MITF: variants seen among roughly 807,000 people sequenced by gnomAD.
The protein encoded by MITF is melanocyte inducing transcription factor, also known as microphthalmia-associated transcription factor.
A neutral mutation model predicts 60.5 loss-of-function variants in MITF; 17 were observed. The ratio of observed to expected loss-of-function variants is 0.28; its 90% CI spans 0.19 to 0.42. The LOEUF is 0.42. Among genes scored for constraint, MITF ranks in the 10% least tolerant of loss-of-function variants. The pLI is 1.00. For synonymous variants in MITF, 260 were observed against 248.5 expected (o/e 1.05, Z -0.43); for missense variants, 622 against 683.5 (o/e 0.91, Z 1.00).
At position 69,805,934 on chromosome 3, in the gene MITF, T is replaced by G. The variant is rs116181078; in HGVS notation, c.104+66233T>G. Among the ~76,000 whole-genome samples the G allele has an allele frequency of 6.6e-3, 1,005 of 152,254 alleles. 9 individuals carry two copies. Among genetic ancestry groups the G allele is most frequent in the African/African-American group, 0.023 (946 of 41,552 alleles). On this transcript the variant is annotated intron_variant, in intron 1 of 9. Transcript: ENST00000352241. The stretch of plus-strand genomic sequence containing the variant: ...CCTTGTTCTTCCAAAGTACTGGGAT[T>G]ATAGGTATGAGCCACCATGCATGGC...
chr3:69,751,333 G>C (rs1221173405), intron 1 of MITF, among the ~76,000 whole-genome samples: 2 of 152,190 alleles, frequency 1.3e-5, no homozygotes, highest in Non-Finnish European at 2.9e-5. Flanking sequence ...GCCAGCATCT[G>C]TTTTGTCACA....
chr3:69,871,537 T>TAAGGTTGCCTGTTAAACCATG (rs1356349956), intron 1 of MITF, among the ~76,000 whole-genome samples: 4 of 152,238 alleles, frequency 2.6e-5, no homozygotes, highest in African/African-American at 9.6e-5. Flanking sequence ...CTGCTATGTG[T>TAAGGTTGCCTGTTAAACCATG]AAGGTTGCCT....
chr3:69,894,189 A>T (rs78118441), intron 2 of MITF, among the ~76,000 whole-genome samples: 2,632 of 152,342 alleles, frequency 0.017, 37 homozygotes, highest in Middle Eastern at 0.051. Context: ...AATACATTTA[A>T]TCACAGCCTT....
chr3:69,930,452 C>G (rs1339024803), intron 2 of MITF, among the ~76,000 whole-genome samples: 1 of 152,144 alleles, frequency 6.6e-6, no homozygotes, highest in Non-Finnish European at 1.5e-5. Context: ...TTGTTCACAC[C>G]TGAGGGCTGT....
intron 1 of MITF, among the ~76,000 whole-genome samples, chr3:69,853,119 T>C (rs1002508756): frequency 3.3e-5 from 5 of 152,158 alleles, no homozygotes; most frequent in Middle Eastern, 3.2e-3. Flanking sequence ...AATCGTGCTT[T>C]AGGAAGTGTT....
chr3:69,851,474 C>G (rs566554243), intron 1 of MITF, among the ~76,000 whole-genome samples: 2 of 151,964 alleles, frequency 1.3e-5, no homozygotes, highest in African/African-American at 4.8e-5. Context: ...TACTAATTAG[C>G]GATAGAAAGG....
chr3:69,906,993 G>T (rs1335257284), intron 2 of MITF, among the ~76,000 whole-genome samples: 1 of 151,994 alleles, frequency 6.6e-6, no homozygotes, highest in African/African-American at 2.4e-5. Flanking sequence ...TGCCCTATGT[G>T]GTACTTACAT....
rs2107552022 is a variant in MITF, at chr3:69,964,927, G to A, written c.1260G>A (p.Arg420=). 1 of 1,614,040 alleles carries A rather than the reference G, an allele frequency of 6.2e-7. No individual in the cohort carries two copies. The highest frequency in any genetic ancestry group is 8.5e-7 in the Non-Finnish European group (1 of 1,179,992). ...TCTGCTCTCCAGATTTGGTGAATCG[G>A]ATCATCAAGCAAGAACCCGTTCTTG... ...TGLCSPDLVN[R]IIKQEPVLEN... Residue 420 remains arginine, a synonymous_variant, in exon 10 of 10, where the codon CGG becomes CGA. Coordinates refer to ENST00000352241, the MANE Select transcript of MITF (RefSeq NM_001354604.2).
intron 1 of MITF, among the ~76,000 whole-genome samples, chr3:69,748,916 T>C (rs1703827635): frequency 6.6e-6 from 1 of 152,236 alleles, no homozygotes; most frequent in Non-Finnish European, 1.5e-5. Context: ...CTTAGCCTGG[T>C]GGCTGTGGTT....
intron 2 of MITF, among the ~76,000 whole-genome samples, chr3:69,908,116 G>A (rs1036772174): frequency 1.3e-5 from 2 of 152,042 alleles, no homozygotes; most frequent in Non-Finnish European, 2.9e-5. Flanking sequence ...ATAGAATCTA[G>A]ATGGATACAT....
At chr3:69,943,906 C>G (rs1466721155) in intron 5 of MITF, among the ~76,000 whole-genome samples, 1 of 152,086 alleles carries the variant, frequency 6.6e-6, no homozygotes, top group Admixed American at 6.6e-5. Flanking sequence ...GCCTAGGCAA[C>G]TTAGAGAGAA....
At chr3:69,788,575 T>C (rs1269118117) in intron 1 of MITF, among the ~76,000 whole-genome samples, 3 of 152,200 alleles carry the variant, frequency 2.0e-5, no homozygotes, top group Non-Finnish European at 4.4e-5. Flanking sequence ...CTTAACATCT[T>C]GGACCTTGGA....
At chr3:69,914,181 G>T (rs2065283385) in intron 2 of MITF, among the ~76,000 whole-genome samples, 1 of 152,100 alleles carries the variant, frequency 6.6e-6, no homozygotes, top group African/African-American at 2.4e-5. Context: ...GAGTACAATG[G>T]TGTGATCTTG....
At chr3:69,948,949 T>A (rs191071850) in intron 5 of MITF, 102 bp from the exon 6 acceptor site, 1 of 846,734 alleles carries the variant, frequency 1.2e-6, no homozygotes, top group African/African-American at 1.7e-5. Context: ...TTGTATCAAA[T>A]AATTTTTCTT....
chr3:69,873,916 G>T (rs575067242), intron 1 of MITF, among the ~76,000 whole-genome samples: 3 of 152,268 alleles, frequency 2.0e-5, no homozygotes, highest in African/African-American at 7.2e-5. Flanking sequence ...CAGGAATGAG[G>T]CTGGACATTT....
intron 1 of MITF, among the ~76,000 whole-genome samples, chr3:69,770,184 C>T (rs1423365250): frequency 6.6e-6 from 1 of 152,060 alleles, no homozygotes; most frequent in African/African-American, 2.4e-5. Context: ...ATTCCTTCTC[C>T]CTGTGTAAGC....
Position 69,938,847 on chromosome 3 carries a change from A to G in MITF, c.583-251A>G, listed in dbSNP as rs2065904247. ...CTTTTCTAGAGTTGGATTGATTTTA[A>G]TTTCTAGAGGGACTAAAATCTTTGC... On this transcript the variant is annotated intron_variant, in intron 3 of 9. Coordinates refer to ENST00000352241, the MANE Select transcript of MITF (RefSeq NM_001354604.2). 3 of 1,417,294 alleles carry G rather than the reference A, an allele frequency of 2.1e-6. No homozygotes were observed. In the South Asian group the frequency reaches 4.6e-5, roughly 22 times the overall value. 87.8% of individuals were successfully genotyped at this position (1,417,294 alleles called of 1,614,324 possible).
chr3:69,874,043 A>G (rs374358508), intron 1 of MITF, among the ~76,000 whole-genome samples: 2 of 152,330 alleles, frequency 1.3e-5, no homozygotes, highest in East Asian at 3.9e-4. Context: ...CAGGAGGTTA[A>G]CACTATTGAA....
chr3:69,943,936 A>C (rs537224161), intron 5 of MITF, among the ~76,000 whole-genome samples: 7 of 152,142 alleles, frequency 4.6e-5, no homozygotes, highest in Admixed American at 2.0e-4. Context: ...GTAAAAATGT[A>C]AAAAATTAGC....
Sources: allele counts gnomAD v4.1 joint callset (sites outside exome capture counted in the v4.1 genomes callset), GRCh38; gene constraint gnomAD v4.1.1; transcripts MANE v1.5; gene names NCBI Gene and HGNC (gene_info 2026-07-23, HGNC 2026-07-21).